The following RNF121 variants were observed in gnomAD, a reference collection of about 807,000 sequenced individuals.
RNF121 encodes E3 ubiquitin ligase RNF121.
In RNF121, 21 loss-of-function variants were observed where a neutral mutation model predicts 46.5. That is an observed-to-expected ratio of 0.45 (90% CI 0.32 to 0.65). The LOEUF is 0.65. Ranked by LOEUF, RNF121 falls within the 30% of genes least tolerant of loss-of-function variation. The pLI is 0.04. For missense variants in RNF121, 346 were observed against 416.0 expected (o/e 0.83, Z 1.46); for synonymous variants, 139 against 144.7 (o/e 0.96, Z 0.28).
intron 3 of RNF121, among the ~76,000 whole-genome samples, chr11:71,976,771 A>G (rs534485395): frequency 4.6e-5 from 7 of 152,144 alleles, no homozygotes; most frequent in Non-Finnish European, 1.0e-4. Context: ...AGCCTGTTTC[A>G]TGTGAGCTAC....
At chr11:71,932,004 A>G (rs1953287065) in intron 1 of RNF121, among the ~76,000 whole-genome samples, 1 of 152,252 alleles carries the variant, frequency 6.6e-6, no homozygotes, top group African/African-American at 2.4e-5. Flanking sequence ...GTTTTCCAAT[A>G]TTAGATGCCA....
Position 71,960,745 on chromosome 11 carries a change from T to A in RNF121, c.102-5T>A. ...CTTGATTCACCCCATGTGTTTGGCT[T>A]TCAGGGTCGAGCACGCACGCATGCA... On this transcript the variant is annotated splice_region_variant and splice_polypyrimidine_tract_variant and intron_variant, in intron 2 of 8. Coordinates refer to ENST00000361756, the MANE Select transcript of RNF121 (RefSeq NM_018320.5). The A allele has an allele frequency of 6.2e-7, 1 of 1,612,056 alleles. No individual in the cohort carries two copies.
intron 1 of RNF121, among the ~76,000 whole-genome samples, chr11:71,942,040 C>G (rs1025714341): frequency 8.0e-5 from 12 of 149,828 alleles, no homozygotes; most frequent in African/African-American, 2.5e-5. Flanking sequence ...TCGTGCCATT[C>G]TCCTGCCTCA....
At chr11:71,936,317 T>C (rs1953409013) in intron 1 of RNF121, among the ~76,000 whole-genome samples, 1 of 152,150 alleles carries the variant, frequency 6.6e-6, no homozygotes, top group Non-Finnish European at 1.5e-5. Flanking sequence ...CTCTGGCAGA[T>C]ACCCTGGCAG....
rs569907498 is a variant in RNF121, at chr11:71,973,578, G to A, written c.244-9183G>A. ...GAGGCGGGCAGATCACCTGAGGTTG[G>A]GAGTTCAAGACCAGCCTGACCAACA... On this transcript the variant is annotated intron_variant, in intron 3 of 8. Transcript: ENST00000361756. 4.6e-5 allele frequency among the ~76,000 whole-genome samples: 7 copies of A among 152,206 alleles called. No homozygotes were observed. The East Asian group carries it at 1.4e-3, about 30-fold the overall frequency.
chr11:71,931,123 C>T (rs1953268755), intron 1 of RNF121, among the ~76,000 whole-genome samples: 1 of 152,198 alleles, frequency 6.6e-6, no homozygotes, highest in Admixed American at 6.5e-5. Context: ...GTGTGAGTCA[C>T]CGCGCCCGGC....
At chr11:71,929,150 A>G (rs1479016564) in intron 1 of RNF121, 26 bp downstream of exon 1, 1 of 1,547,676 alleles carries the variant, frequency 6.5e-7, no homozygotes, top group Non-Finnish European at 8.7e-7. Flanking sequence ...AGACGAGGAG[A>G]GACTCAACCT....
intron 3 of RNF121, among the ~76,000 whole-genome samples, chr11:71,962,754 A>C (rs1954166961): frequency 6.6e-6 from 1 of 152,204 alleles, no homozygotes; most frequent in Non-Finnish European, 1.5e-5. Flanking sequence ...CTCTGTGTTT[A>C]ATGTTTTGAG....
intron 1 of RNF121, among the ~76,000 whole-genome samples, chr11:71,932,106 A>G (rs895158354): frequency 1.3e-5 from 2 of 152,122 alleles, no homozygotes; most frequent in Non-Finnish European, 2.9e-5. Flanking sequence ...AGAAGTTGAG[A>G]CGTAATTTAG....
intron 4 of RNF121, among the ~76,000 whole-genome samples, chr11:71,984,103 C>T (rs569201242): frequency 6.6e-6 from 1 of 152,302 alleles, no homozygotes; most frequent in East Asian, 1.9e-4. Flanking sequence ...GCCTTGAAGT[C>T]TTCATCCCTA....
intron 3 of RNF121, among the ~76,000 whole-genome samples, chr11:71,981,224 G>C (rs964606517): frequency 7.2e-6 from 1 of 138,078 alleles, no homozygotes; most frequent in East Asian, 2.1e-4. Context: ...AATTTTTTTT[G>C]TATTTTTAGT....
chr11:71,930,156 A>G (rs1009790879), intron 1 of RNF121, among the ~76,000 whole-genome samples: 3 of 152,252 alleles, frequency 2.0e-5, no homozygotes, highest in Non-Finnish European at 2.9e-5. Flanking sequence ...TTCTGAAGCC[A>G]TGGAGACATT....
intron 3 of RNF121, among the ~76,000 whole-genome samples, chr11:71,964,250 A>G (rs866836475): frequency 2.0e-5 from 3 of 152,132 alleles, no homozygotes; most frequent in Admixed American, 6.5e-5. Context: ...ATTCCTAAGT[A>G]TGTTATTCTT....
In RNF121 at chr11:71,993,645, A is replaced by T. The variant is rs147328424; in HGVS notation, c.628-1074A>T. On this transcript the variant is annotated intron_variant, in intron 6 of 8. Coordinates refer to ENST00000361756, the MANE Select transcript of RNF121 (RefSeq NM_018320.5). ...TTCCACTTTTTGGCTACTGTGAGTA[A>T]CGCTGTGAGCACTGGCGTTTAAGTG... is the stretch of plus-strand genomic sequence containing the variant. Among the ~76,000 whole-genome samples, 31 of 152,236 alleles carry T rather than the reference A, an allele frequency of 2.0e-4. No homozygotes were observed. The East Asian group carries it at 5.2e-3, about 26-fold the overall frequency.
intron 4 of RNF121, among the ~76,000 whole-genome samples, chr11:71,983,324 C>CT (rs745388105): frequency 3.3e-5 from 5 of 152,186 alleles, no homozygotes; most frequent in Non-Finnish European, 5.9e-5. Flanking sequence ...TTTTGAGTAT[C>CT]TATCTCCCTC....
chr11:71,978,088 G>A (rs1954567761), intron 3 of RNF121: 2 of 312,932 alleles, frequency 6.4e-6, no homozygotes, highest in Non-Finnish European at 6.4e-6. Flanking sequence ...TTTTTAAGAG[G>A]TGGGGTTTCA....
intron 3 of RNF121, among the ~76,000 whole-genome samples, chr11:71,977,160 T>C (rs1311079013): frequency 5.9e-5 from 9 of 152,206 alleles, no homozygotes; most frequent in Non-Finnish European, 1.0e-4. Context: ...CTTGGGCTTA[T>C]AGTTTCATTT....
intron 1 of RNF121, among the ~76,000 whole-genome samples, chr11:71,942,209 A>G (rs1953588214): frequency 6.6e-6 from 1 of 152,038 alleles, no homozygotes; most frequent in African/African-American, 2.4e-5. Context: ...CTGGGATTAC[A>G]GGCATGAACC....
intron 5 of RNF121, among the ~76,000 whole-genome samples, chr11:71,987,360 A>G (rs1054983920): frequency 6.6e-6 from 1 of 152,232 alleles, no homozygotes; most frequent in African/African-American, 2.4e-5. Flanking sequence ...TTTTAGTGGA[A>G]AAGTCTAGTA....
Sources: gnomAD v4.1 joint callset for allele counts (sites outside exome capture counted in the v4.1 genomes callset) on GRCh38, gnomAD v4.1.1 for gene constraint, MANE v1.5 for transcripts, NCBI Gene and HGNC (gene_info 2026-07-23, HGNC 2026-07-21) for gene names.